The following HIP1 variants were observed in gnomAD, a reference collection of about 807,000 sequenced individuals.
HIP1 encodes huntingtin interacting protein 1, also known as huntingtin-interacting protein 1.
Under a neutral mutation model 147.6 loss-of-function variants are expected in HIP1, and 65 were observed. That is an observed-to-expected ratio of 0.44 (90% CI 0.36 to 0.54). HIP1 has a LOEUF of 0.54. Among genes scored for constraint, HIP1 ranks in the 20% least tolerant of loss-of-function variants. The pLI, the probability that HIP1 is intolerant of heterozygous loss-of-function variation, is 0.00. For missense variants in HIP1, 1,061 were observed against 1,299.6 expected, an observed-to-expected ratio of 0.82 and a Z score of 2.82; for synonymous variants, 479 against 504.0, an observed-to-expected ratio of 0.95 and a Z score of 0.67.
intron 1 of HIP1, among the ~76,000 whole-genome samples, chr7:75,611,466 C>CAA (rs11390672): frequency 0.092 from 8,008 of 87,416 alleles, 695 homozygotes; most frequent in African/African-American, 0.22. Flanking sequence ...GACTCTGTCT[C>CAA]AAAAAAAAAA....
At chr7:75,634,474 C>T (rs12534422) in intron 1 of HIP1, among the ~76,000 whole-genome samples, 47,696 of 152,104 alleles carry the variant, frequency 0.31, 7,705 homozygotes, top group African/African-American at 0.36. Context: ...ATCGCTATAG[C>T]GCATACTTTG....
At position 75,562,185 on chromosome 7, in the gene HIP1, A is replaced by C; in HGVS notation, c.1021-15T>G. 6.4e-7 allele frequency: 1 copy of C among 1,574,516 alleles called. No individual in the cohort carries two copies. The highest frequency in any genetic ancestry group is 8.7e-7 in the Non-Finnish European group (1 of 1,143,964). On this transcript the variant is annotated splice_polypyrimidine_tract_variant and intron_variant, in intron 11 of 30. Transcript: ENST00000336926. ...TCAAATAAATTCTGTGGTTGACCAA[A>C]AAGGAGTGAGAATAAGTCAGAGAGC...
intron 22 of HIP1, among the ~76,000 whole-genome samples, chr7:75,550,987 C>G (rs1421489173): frequency 6.6e-6 from 1 of 152,014 alleles, no homozygotes; most frequent in Non-Finnish European, 1.5e-5. Context: ...ACCAAGAGAA[C>G]AGACGGATGA....
At position 75,735,716 on chromosome 7, in the gene HIP1, G is replaced by A. The variant is rs564750293; in HGVS notation, c.120+3085C>T. Among the ~76,000 whole-genome samples, 144 of 150,246 alleles carry A rather than the reference G, an allele frequency of 9.6e-4. 1 individual carries two copies. Among genetic ancestry groups the A allele is most frequent in the African/African-American group, 3.5e-3 (142 of 40,896 alleles). ...TTTCTTTTTTTTTTATTTGAGATGG[G>A]GTCTCACTCTGTTGCCCAGGCCGGA... On this transcript the variant is annotated intron_variant, in intron 1 of 30. Coordinates refer to ENST00000336926, the MANE Select transcript of HIP1 (RefSeq NM_005338.7).
chr7:75,665,603 G>T (rs560328982), intron 1 of HIP1, among the ~76,000 whole-genome samples: 2 of 151,602 alleles, frequency 1.3e-5, no homozygotes, highest in East Asian at 3.9e-4. Flanking sequence ...GCAGTGGTGT[G>T]ATCTCAGCTT....
At chr7:75,607,156 G>A (rs1212502339) in intron 1 of HIP1, among the ~76,000 whole-genome samples, 1 of 151,154 alleles carries the variant, frequency 6.6e-6, no homozygotes, top group Non-Finnish European at 1.5e-5. Context: ...ATTACTTGAG[G>A]CCAGGAGTTT....
chr7:75,681,497 C>T (rs1800065427), intron 1 of HIP1, among the ~76,000 whole-genome samples: 1 of 124,306 alleles, frequency 8.0e-6, no homozygotes, highest in Admixed American at 8.6e-5. Flanking sequence ...ACAGCACCTG[C>T]TTTTTTTTTT....
At chr7:75,542,032 G>T in intron 28 of HIP1, 52 bp from the exon 29 acceptor site, 2 of 1,433,614 alleles carry the variant, frequency 1.4e-6, no homozygotes, top group South Asian at 1.1e-5. Flanking sequence ...TGGCTGACTG[G>T]CACCTGAGAG....
In HIP1 at chr7:75,554,184, G is replaced by A; in HGVS notation, c.2087C>T (p.Ala696Val). 6.2e-7 allele frequency: 1 copy of A among 1,614,038 alleles called. No homozygotes were observed. The highest frequency in any genetic ancestry group is 8.5e-7 in the Non-Finnish European group (1 of 1,179,986). Residue 696 changes from alanine (A) to valine (V), a missense_variant, in exon 21 of 31, where the codon GCC becomes GTC. Physicochemically the swap from Ala to Val is moderately conservative, Grantham distance 64. This residue lies in a region of HIP1 where 810 missense variants were observed against 946.8 expected (regional missense o/e 0.86). Transcript: ENST00000336926. ...AGCAATGGCGTCGCTGGTCAAGTGGGCCAGCAGGGTTATGGAATGGAGAAG... is the reference window on the plus strand; with the variant it reads ...AGCAATGGCGTCGCTGGTCAAGTGGACCAGCAGGGTTATGGAATGGAGAAG... ...SGLLHSITLL[A>V]HLTSDAIAHG...
At chr7:75,697,733 G>A (rs1410135244) in intron 1 of HIP1, among the ~76,000 whole-genome samples, 1 of 152,172 alleles carries the variant, frequency 6.6e-6, no homozygotes, top group Non-Finnish European at 1.5e-5. Context: ...AATCGTTTGA[G>A]CCCAGGAGGC....
intron 1 of HIP1, among the ~76,000 whole-genome samples, chr7:75,662,178 T>TTTTG (rs1224379414): frequency 1.1e-4 from 17 of 151,836 alleles, no homozygotes; most frequent in South Asian, 4.2e-4. Context: ...TCTCCACTAT[T>TTTTG]TTTGTTTGTT....
intron 1 of HIP1, among the ~76,000 whole-genome samples, chr7:75,676,076 G>C (rs1799875961): frequency 6.6e-6 from 1 of 152,158 alleles, no homozygotes; most frequent in Admixed American, 6.6e-5. Flanking sequence ...CTGGAAGTCA[G>C]ATTCTGCTCC....
chr7:75,708,873 G>A (rs1801079186), intron 1 of HIP1, among the ~76,000 whole-genome samples: 1 of 151,984 alleles, frequency 6.6e-6, no homozygotes, highest in Non-Finnish European at 1.5e-5. Flanking sequence ...TTTAAGATGG[G>A]TTTTTCTGTT....
chr7:75,551,215 T>TTTTTTTTTTTTTTTG (rs1794770851), intron 22 of HIP1, among the ~76,000 whole-genome samples: 2 of 134,202 alleles, frequency 1.5e-5, no homozygotes, highest in African/African-American at 5.6e-5. Context: ...TTTTTTTTTT[T>TTTTTTTTTTTTTTTG]GAGGCAGTGT....
intron 1 of HIP1, chr7:75,626,246 A>G (rs1278431375): frequency 2.0e-5 from 3 of 152,202 alleles, no homozygotes; most frequent in Non-Finnish European, 2.9e-5. Context: ...TGTACTTACT[A>G]CCCAGCTTGA....
intron 1 of HIP1, among the ~76,000 whole-genome samples, chr7:75,731,846 G>T (rs1801846879): frequency 6.6e-6 from 1 of 152,126 alleles, no homozygotes; most frequent in Non-Finnish European, 1.5e-5. Flanking sequence ...CATCTTGATT[G>T]CACATGAGAA....
chr7:75,676,186 T>C (rs1303784089), intron 1 of HIP1, among the ~76,000 whole-genome samples: 1 of 152,192 alleles, frequency 6.6e-6, no homozygotes, highest in East Asian at 1.9e-4. Context: ...ACATCATGTG[T>C]GGCCACTGAA....
In HIP1 at chr7:75,559,753, G is replaced by C; in HGVS notation, c.1354C>G (p.Arg452Gly). 1 of 1,182,506 alleles carries C rather than the reference G, an allele frequency of 8.5e-7. No homozygotes were observed. The allele number at this position is 1,182,506 out of a possible 1,614,324, so 73.3% of individuals were successfully genotyped here. ...RQREDTEKAQ[R>G]SLSEIERKAQ... is the part of the protein sequence containing the mutation. Reference sequence around the variant, plus strand: ...TCACTTTCTATCTCAGACAGGCTCCGCTGAGCCTTCTCGGTGTCCTCCCGC... The same window carrying C: ...TCACTTTCTATCTCAGACAGGCTCCCCTGAGCCTTCTCGGTGTCCTCCCGC... Residue 452 changes from arginine (R) to glycine (G), a missense_variant, in exon 14 of 31, where the codon CGG becomes GGG. Arg to Gly is a moderately radical substitution (Grantham distance 125). This residue lies in a region of HIP1 where 810 missense variants were observed against 946.8 expected (regional missense o/e 0.86). Transcript: ENST00000336926.
chr7:75,615,774 A>AAAAAAC (rs1306348222), intron 1 of HIP1, among the ~76,000 whole-genome samples: 5 of 151,852 alleles, frequency 3.3e-5, no homozygotes, highest in Non-Finnish European at 2.9e-5. Flanking sequence ...ACTCTGTCTC[A>AAAAAAC]AAAAACAAAA....
Sources: allele counts gnomAD v4.1 joint callset (sites outside exome capture counted in the v4.1 genomes callset), GRCh38; gene constraint gnomAD v4.1.1; regional missense constraint gnomAD v4.1.1; transcripts MANE v1.5; gene names NCBI Gene and HGNC (gene_info 2026-07-23, HGNC 2026-07-21).